ACACA: variants seen among roughly 807,000 people sequenced by gnomAD.
The protein encoded by ACACA is acetyl-CoA carboxylase alpha.
A neutral mutation model predicts 296.1 loss-of-function variants in ACACA; 103 were observed. The observed-to-expected ratio is 0.35, with a 90% confidence interval of 0.30 to 0.41. ACACA has a LOEUF of 0.41. ACACA is among the 10% of genes least tolerant of loss of function. The probability of loss-of-function intolerance (pLI) is 1.00; values close to 1 mark genes in which losing one functional copy is unlikely to be tolerated. For synonymous variants in ACACA, 953 were observed against 1,038.6 expected (o/e 0.92, Z 1.58); for missense variants, 1,554 against 2,989.7 (o/e 0.52, Z 11.20).
At chr17:37,308,995 C>T (rs1421408205) in intron 3 of ACACA, among the ~76,000 whole-genome samples, 5 of 152,084 alleles carry the variant, frequency 3.3e-5, no homozygotes, top group Non-Finnish European at 7.4e-5. Flanking sequence ...TATACCTCTA[C>T]CATTTATTCA....
intron 35 of ACACA, among the ~76,000 whole-genome samples, chr17:37,194,456 T>A (rs1029472411): frequency 2.6e-5 from 4 of 152,170 alleles, no homozygotes; most frequent in Non-Finnish European, 5.9e-5. Flanking sequence ...GGCTCAAGTA[T>A]ATGCTCAGAA....
Position 37,406,278 on chromosome 17 carries a change from AC to A in ACACA, c.21del (p.Met7IlefsTer4). On this transcript the variant is annotated frameshift_variant, in exon 1 of 56. Transcript: ENST00000616317. LOFTEE classifies it high-confidence loss of function. MWWSTL[M>X]SILRARSFWK... ...GGGACATACCTAGCCCTCAAGATTG[AC>A]ATCAGAGTAGACCACCACATCCTCT... 1 of 1,614,194 alleles carries A rather than the reference AC, an allele frequency of 6.2e-7. No individual in the cohort carries two copies. The highest frequency in any genetic ancestry group is 8.5e-7 in the Non-Finnish European group (1 of 1,180,022).
At chr17:37,330,499 A>G in intron 2 of ACACA, 74 bp from the exon 3 acceptor site, 4 of 1,581,040 alleles carry the variant, frequency 2.5e-6, no homozygotes, top group Non-Finnish European at 3.5e-6. Context: ...CAGAGGTTAT[A>G]TCTAATAAAC....
chr17:37,386,090 C>A, intron 1 of ACACA: 1 of 1,598,028 alleles, frequency 6.3e-7, no homozygotes, highest in Admixed American at 1.7e-5. Flanking sequence ...TCTATAACTC[C>A]TGGGAATAAA....
At chr17:37,381,856 T>G (rs780708236) in intron 1 of ACACA, among the ~76,000 whole-genome samples, 24 of 150,384 alleles carry the variant, frequency 1.6e-4, no homozygotes, top group Admixed American at 2.6e-4. Context: ...CTCGATCGCC[T>G]GACCTTGTGA....
chr17:37,180,642 T>G (rs2077283437), intron 40 of ACACA, among the ~76,000 whole-genome samples: 1 of 152,186 alleles, frequency 6.6e-6, no homozygotes, highest in Admixed American at 6.5e-5. Flanking sequence ...TGTTTTCATA[T>G]AGAGGCTGAG....
chr17:37,299,179 AG>A (rs1207528912), intron 3 of ACACA: 1 of 1,258,034 alleles, frequency 7.9e-7, no homozygotes, highest in Non-Finnish European at 1.1e-6. Flanking sequence ...TTTTAAAGAT[AG>A]AAAAAAAATG....
chr17:37,121,628 T>A (rs1380973220), intron 49 of ACACA, 138 bp from the exon 50 acceptor site: 1 of 1,118,314 alleles, frequency 8.9e-7, no homozygotes, highest in Non-Finnish European at 1.3e-6. Context: ...ATCAAGATCA[T>A]CATGTTTGGA....
At chr17:37,191,876 A>T in intron 37 of ACACA, among the ~76,000 whole-genome samples, 1 of 150,616 alleles carries the variant, frequency 6.6e-6, no homozygotes, top group Non-Finnish European at 1.5e-5. Context: ...TTTCAGATGC[A>T]CTTTCTGCTT....
intron 1 of ACACA, among the ~76,000 whole-genome samples, chr17:37,351,754 T>C (rs1479180918): frequency 1.3e-5 from 2 of 152,232 alleles, no homozygotes; most frequent in Admixed American, 6.5e-5. Context: ...GGTCTTGCTA[T>C]GTTAACGAGG....
chr17:37,358,917 C>T, intron 1 of ACACA: 1 of 981,264 alleles, frequency 1.0e-6, no homozygotes, highest in Non-Finnish European at 1.2e-6. Flanking sequence ...TGGGAGGCGG[C>T]CCCCTGCCTG....
At position 37,141,571 on chromosome 17, in the gene ACACA, A is replaced by G. The variant is rs374357990; in HGVS notation, c.5679+8293T>C. On this transcript the variant is annotated intron_variant, in intron 45 of 55. Transcript: ENST00000616317. ...GATTACCACGCCAACCTGATTTTCT[A>G]CTTTAAAATGGGAAATGTATTATGC... 6.4e-5 allele frequency: 11 copies of G among 172,600 alleles called. No homozygotes were observed. In the East Asian group the frequency reaches 1.1e-3, roughly 18 times the overall value. 10.7% of individuals were successfully genotyped at this position (172,600 alleles called of 1,614,324 possible).
At chr17:37,206,221 G>A (rs916800749) in intron 32 of ACACA, among the ~76,000 whole-genome samples, 1 of 152,116 alleles carries the variant, frequency 6.6e-6, no homozygotes, top group African/African-American at 2.4e-5. Flanking sequence ...GAAGGAAAAT[G>A]AGTGATATAA....
intron 42 of ACACA, among the ~76,000 whole-genome samples, chr17:37,160,464 T>C (rs950603084): frequency 2.0e-5 from 3 of 152,296 alleles, no homozygotes; most frequent in African/African-American, 7.2e-5. Context: ...TCTGATGATA[T>C]CAGCTAAGAG....
chr17:37,344,048 A>G (rs1270505766), intron 1 of ACACA, among the ~76,000 whole-genome samples: 1 of 151,828 alleles, frequency 6.6e-6, no homozygotes, highest in Non-Finnish European at 1.5e-5. Flanking sequence ...CAGTAGTATA[A>G]TAATCTCTGA....
intron 24 of ACACA, among the ~76,000 whole-genome samples, chr17:37,237,193 G>A (rs2080153945): frequency 2.0e-5 from 3 of 151,840 alleles, no homozygotes; most frequent in South Asian, 4.2e-4. Flanking sequence ...TGTATGCCTT[G>A]GTGCATCCAT....
At chr17:37,374,196 A>G (rs772970579) in intron 1 of ACACA, among the ~76,000 whole-genome samples, 1 of 152,204 alleles carries the variant, frequency 6.6e-6, no homozygotes, top group Non-Finnish European at 1.5e-5. Context: ...GTGTCTCTAC[A>G]AAACATAGCC....
chr17:37,229,560 C>A (rs149389127), intron 25 of ACACA, among the ~76,000 whole-genome samples: 3 of 151,762 alleles, frequency 2.0e-5, no homozygotes, highest in Non-Finnish European at 4.4e-5. Context: ...GCCTCGGCCT[C>A]CCAAAGTGCT....
chr17:37,216,440 G>A (rs1398355672), intron 29 of ACACA, among the ~76,000 whole-genome samples: 1 of 151,880 alleles, frequency 6.6e-6, no homozygotes, highest in South Asian at 2.1e-4. Context: ...AGATCAAAAA[G>A]GAGATAATAT....
Sources: allele counts gnomAD v4.1 joint callset (sites outside exome capture counted in the v4.1 genomes callset), GRCh38; gene constraint gnomAD v4.1.1; transcripts MANE v1.5; gene names NCBI Gene and HGNC (gene_info 2026-07-23, HGNC 2026-07-21).